Variants in SNX29 observed in about 807,000 individuals in gnomAD.
SNX29 encodes the protein sorting nexin-29.
SNX29 carries 78 observed loss-of-function variants against 102.1 expected under a neutral mutation model. The observed-to-expected ratio is 0.76, with a 90% CI of 0.64 to 0.92. The LOEUF (loss-of-function observed/expected upper bound fraction) is 0.92. Ranked by LOEUF, SNX29 falls within the 40% of genes least tolerant of loss-of-function variation. SNX29 has a pLI of 0.00. For synonymous variants in SNX29, 580 were observed against 414.5 expected (o/e 1.40, Z -4.85); for missense variants, 1,280 against 1,061.7 (o/e 1.21, Z -2.86).
intron 13 of SNX29, among the ~76,000 whole-genome samples, chr16:12,152,180 C>T (rs543285250): frequency 1.3e-5 from 2 of 151,854 alleles, no homozygotes; most frequent in South Asian, 2.1e-4. Context: ...GAGACTGTGC[C>T]GTTGCACTCC....
intron 18 of SNX29, among the ~76,000 whole-genome samples, chr16:12,427,735 T>G (rs1228604062): frequency 6.6e-6 from 1 of 152,218 alleles, no homozygotes; most frequent in Non-Finnish European, 1.5e-5. Flanking sequence ...CTTGATGTCT[T>G]GCTGACCTTG....
In SNX29 at chr16:12,568,747, C is replaced by T. The variant is rs1287006135; in HGVS notation, c.*118C>T. Reference sequence around the variant, plus strand: ...CACGTCCACCTGGTGATCCTGAGAGCACACGATTCCCAACAGTTACACAAC... The same window carrying T: ...CACGTCCACCTGGTGATCCTGAGAGTACACGATTCCCAACAGTTACACAAC... On this transcript the variant is annotated 3_prime_UTR_variant, in exon 21 of 21. Coordinates refer to ENST00000566228, the MANE Select transcript of SNX29 (RefSeq NM_032167.5). 7.1e-6 allele frequency: 10 copies of T among 1,414,486 alleles called. No homozygotes were observed. Among genetic ancestry groups the T allele is most frequent in the South Asian group, 1.4e-5 (1 of 73,082 alleles). 87.6% of individuals were successfully genotyped at this position (1,414,486 alleles called of 1,614,324 possible). A position where few individuals can be genotyped will look rare whatever the true frequency, so the allele number is the denominator to read the frequency against.
chr16:12,448,710 A>G (rs1488405753), intron 18 of SNX29, among the ~76,000 whole-genome samples: 2 of 152,152 alleles, frequency 1.3e-5, no homozygotes, highest in Non-Finnish European at 2.9e-5. Context: ...GTGGCTGCCC[A>G]GTGCTCAGAG....
chr16:12,069,107 C>G lies in SNX29; in HGVS notation c.1294C>G (p.Leu432Val). 1 of 1,613,756 alleles carries G rather than the reference C, an allele frequency of 6.2e-7. No individual in the cohort carries two copies. The highest frequency in any genetic ancestry group is 8.5e-7 in the Non-Finnish European group (1 of 1,179,716). The part of the protein sequence containing the change: ...ENGTGPEDHV[L>V]PDPGLRYSVE... ...CGGGACAGGACCAGAGGACCACGTT[C>G]TCCCAGATCCTGGACTTCGGTACAG... is the stretch of plus-strand genomic sequence containing the variant. Residue 432 changes from leucine to valine, a missense_variant, in exon 10 of 21, where the codon CTC (leucine) becomes GTC (valine). Transcript: ENST00000566228.
At chr16:12,227,134 T>C (rs2077634822) in intron 14 of SNX29, among the ~76,000 whole-genome samples, 4 of 44,766 alleles carry the variant, frequency 8.9e-5, no homozygotes, top group Admixed American at 3.0e-4. Flanking sequence ...GCAGTGCATC[T>C]GGGGGTCTGG....
chr16:12,461,978 A>AAAAATATATATATATAT (rs1555544501), intron 18 of SNX29, among the ~76,000 whole-genome samples: 1 of 27,352 alleles, frequency 3.7e-5, no homozygotes, highest in African/African-American at 1.4e-4. Flanking sequence ...AAAAAAAAAA[A>AAAAATATATATATATAT]ATATATATAT....
At chr16:12,247,602 T>A (rs1181860271) in intron 14 of SNX29, among the ~76,000 whole-genome samples, 2 of 152,184 alleles carry the variant, frequency 1.3e-5, no homozygotes, top group Admixed American at 1.3e-4. Flanking sequence ...AGGTCCATGT[T>A]CCATTTACCA....
At chr16:12,206,467 C>T (rs1255139894) in intron 14 of SNX29, among the ~76,000 whole-genome samples, 1 of 149,352 alleles carries the variant, frequency 6.7e-6, no homozygotes, top group Non-Finnish European at 1.5e-5. Context: ...TGTCTGATTT[C>T]AGACTCTGCC....
intron 1 of SNX29, among the ~76,000 whole-genome samples, chr16:11,996,158 G>C (rs983775981): frequency 3.9e-5 from 6 of 151,928 alleles, no homozygotes; most frequent in African/African-American, 7.2e-5. Context: ...TATCCCAGCT[G>C]TTTGGGAGGC....
intron 14 of SNX29, among the ~76,000 whole-genome samples, chr16:12,260,559 C>A (rs111297561): frequency 0.036 from 5,424 of 152,282 alleles, 145 homozygotes; most frequent in African/African-American, 0.072. Flanking sequence ...TCTTTTCTCT[C>A]ATGTGGGGTG....
intron 11 of SNX29, among the ~76,000 whole-genome samples, chr16:12,115,522 T>G (rs960853817): frequency 2.5e-4 from 38 of 149,958 alleles, no homozygotes; most frequent in African/African-American, 8.6e-4. Context: ...TGTGTGTGTG[T>G]GGTGCTGGGT....
At chr16:12,009,183 A>C (rs2056560972) in intron 3 of SNX29, among the ~76,000 whole-genome samples, 1 of 152,184 alleles carries the variant, frequency 6.6e-6, no homozygotes, top group East Asian at 1.9e-4. Context: ...GTCAAATTCA[A>C]GACAAATAAG....
intron 11 of SNX29, among the ~76,000 whole-genome samples, chr16:12,094,913 G>A (rs1247000570): frequency 6.6e-6 from 1 of 151,968 alleles, no homozygotes; most frequent in Non-Finnish European, 1.5e-5. Context: ...TGAAACTTAG[G>A]AAAAAATGAG....
intron 4 of SNX29, among the ~76,000 whole-genome samples, chr16:12,033,162 G>T (rs915359646): frequency 2.9e-4 from 44 of 151,846 alleles, no homozygotes; most frequent in Admixed American, 1.4e-3. Flanking sequence ...GCCAATGCTG[G>T]CTTTTTAAAT....
At chr16:12,033,320 C>G (rs1232750468) in intron 4 of SNX29, among the ~76,000 whole-genome samples, 1 of 151,932 alleles carries the variant, frequency 6.6e-6, no homozygotes, top group Non-Finnish European at 1.5e-5. Flanking sequence ...CCAGGCTGGT[C>G]TCAAATTCCT....
chr16:12,119,112 A>G (rs1472436878), intron 11 of SNX29, among the ~76,000 whole-genome samples: 2 of 152,152 alleles, frequency 1.3e-5, no homozygotes, highest in African/African-American at 4.8e-5. Flanking sequence ...TAAAAATCAG[A>G]TCTGTGTAAA....
chr16:12,055,907 G>A (rs1025227380), intron 8 of SNX29, among the ~76,000 whole-genome samples: 2 of 151,968 alleles, frequency 1.3e-5, no homozygotes, highest in African/African-American at 4.8e-5. Flanking sequence ...TTCTGGAACA[G>A]AGTCTTACTC....
intron 19 of SNX29, among the ~76,000 whole-genome samples, chr16:12,499,037 C>T (rs1315720984): frequency 6.6e-6 from 1 of 152,148 alleles, no homozygotes; most frequent in Non-Finnish European, 1.5e-5. Context: ...CCCAGGCAGA[C>T]CTGGCATTCT....
intron 16 of SNX29, among the ~76,000 whole-genome samples, chr16:12,381,832 TCCACTCACCCATTATCC>T (rs2083176113): frequency 7.5e-6 from 1 of 133,444 alleles, no homozygotes; most frequent in Admixed American, 7.6e-5. Context: ...CCATCATCCA[TCCACTCACCCATTATCC>T]ATCCACTCAC....
Sources: gnomAD v4.1 joint callset for allele counts (sites outside exome capture counted in the v4.1 genomes callset) on GRCh38, gnomAD v4.1.1 for gene constraint, MANE v1.5 for transcripts, NCBI Gene and HGNC (gene_info 2026-07-23, HGNC 2026-07-21) for gene names.